The following USP31 variants were observed in gnomAD, a reference collection of about 807,000 sequenced individuals.
USP31 encodes the protein ubiquitin carboxyl-terminal hydrolase 31.
A neutral mutation model predicts 119.4 loss-of-function variants in USP31; 44 were observed. The observed-to-expected ratio is 0.37, with a 90% CI of 0.29 to 0.47. The LOEUF is 0.47. Among genes scored for constraint, USP31 ranks in the 20% least tolerant of loss-of-function variants. The probability of loss-of-function intolerance (pLI) is 0.99; values close to 1 mark genes in which losing one functional copy is unlikely to be tolerated. For synonymous variants in USP31, 749 were observed against 705.6 expected, an observed-to-expected ratio of 1.06 and a Z score of -0.97; for missense variants, 1,643 against 1,730.2, an observed-to-expected ratio of 0.95 and a Z score of 0.89.
chr16:23,115,064 C>T (rs1704033119), intron 1 of USP31, among the ~76,000 whole-genome samples: 1 of 152,222 alleles, frequency 6.6e-6, no homozygotes, highest in African/African-American at 2.4e-5. Context: ...ACTCACTGAA[C>T]CTGTGATTCG....
intron 11 of USP31, among the ~76,000 whole-genome samples, chr16:23,082,833 T>C (rs888896165): frequency 1.1e-4 from 16 of 144,062 alleles, no homozygotes; most frequent in South Asian, 2.3e-4. Flanking sequence ...TTCTCTCTCT[T>C]TTTTTTTTTT....
chr16:23,083,538 C>T (rs969393578), intron 11 of USP31, among the ~76,000 whole-genome samples: 1 of 148,428 alleles, frequency 6.7e-6, no homozygotes. Flanking sequence ...GTGCTGCCAT[C>T]TAGTAGATTT....
At chr16:23,127,350 G>T (rs1902891379) in intron 1 of USP31, among the ~76,000 whole-genome samples, 1 of 150,514 alleles carries the variant, frequency 6.6e-6, no homozygotes, top group South Asian at 2.1e-4. Context: ...AGCCTGGGAG[G>T]TAGGCTTGCA....
chr16:23,093,338 A>G (rs1196102774), intron 6 of USP31, among the ~76,000 whole-genome samples: 2 of 152,202 alleles, frequency 1.3e-5, no homozygotes, highest in Non-Finnish European at 2.9e-5. Flanking sequence ...AAACAACTCA[A>G]CAAAAAGATA....
intron 13 of USP31, chr16:23,079,567 TAA>T (rs879575481): frequency 4.7e-4 from 69 of 147,376 alleles, no homozygotes; most frequent in South Asian, 1.1e-3. Flanking sequence ...CATCTTTAAT[TAA>T]AAAAAAAAAA....
At chr16:23,101,641 G>T (rs950817941) in intron 6 of USP31, among the ~76,000 whole-genome samples, 1 of 152,092 alleles carries the variant, frequency 6.6e-6, no homozygotes, top group South Asian at 2.1e-4. Context: ...CAGTTCCCAG[G>T]TAATACTGAT....
At chr16:23,086,450 G>A (rs1448390031) in intron 9 of USP31, among the ~76,000 whole-genome samples, 2 of 152,034 alleles carry the variant, frequency 1.3e-5, no homozygotes, top group African/African-American at 4.8e-5. Flanking sequence ...TATTATAACA[G>A]ATTTAGACAG....
intron 1 of USP31, among the ~76,000 whole-genome samples, chr16:23,147,299 G>A (rs1903543555): frequency 1.3e-5 from 2 of 152,026 alleles, no homozygotes; most frequent in South Asian, 4.1e-4. Context: ...GTAGAGATGG[G>A]GTTTCTCCAT....
intron 1 of USP31, among the ~76,000 whole-genome samples, chr16:23,110,989 G>C (rs917689144): frequency 3.3e-5 from 5 of 152,070 alleles, no homozygotes; most frequent in African/African-American, 1.2e-4. Context: ...TTAGCCAGGC[G>C]TGGTGGTGGG....
intron 13 of USP31, among the ~76,000 whole-genome samples, chr16:23,077,615 G>A (rs529990922): frequency 1.3e-5 from 2 of 152,234 alleles, no homozygotes; most frequent in South Asian, 2.1e-4. Flanking sequence ...TCAATGGTCA[G>A]CACTAGCACT....
chr16:23,073,198 A>G (rs1254201959), intron 14 of USP31, among the ~76,000 whole-genome samples: 1 of 152,168 alleles, frequency 6.6e-6, no homozygotes, highest in East Asian at 1.9e-4. Flanking sequence ...TAATATTATC[A>G]CAGCCATCAA....
Position 23,068,588 on chromosome 16 carries a change from T to C in USP31, c.3517A>G (p.Thr1173Ala). ...LGSDRASATS[T>A]SKPNSPRVSQ... ...ACCCGAGGGGAATTGGGTTTGGAGG[T>C]GGAGGTGGCGCTGGCTCTGTCAGAA... The change falls in exon 16 of 16, where the codon ACC becomes GCC. Residue 1173 changes from threonine (T) to alanine (A), a missense_variant. By Grantham distance (58) the Thr-to-Ala change is moderately conservative. Around this residue, in one of 5 missense-constraint regions of USP31, gnomAD observed 699 missense variants for 650.9 expected, o/e 1.07. Coordinates refer to ENST00000219689, the MANE Select transcript of USP31 (RefSeq NM_020718.4). The C allele has an allele frequency of 6.2e-7, 1 of 1,613,668 alleles. No homozygotes were observed. The highest frequency in any genetic ancestry group is 8.5e-7 in the Non-Finnish European group (1 of 1,179,926).
At chr16:23,077,623 A>C (rs910613771) in intron 13 of USP31, among the ~76,000 whole-genome samples, 4 of 152,134 alleles carry the variant, frequency 2.6e-5, no homozygotes, top group African/African-American at 9.7e-5. Flanking sequence ...CAGCACTAGC[A>C]CTCGGGGTCT....
intron 1 of USP31, among the ~76,000 whole-genome samples, chr16:23,123,717 T>C (rs947505716): frequency 3.9e-5 from 6 of 152,054 alleles, no homozygotes; most frequent in African/African-American, 1.4e-4. Flanking sequence ...AACTGCAAAA[T>C]AGTCGGGCAT....
chr16:23,140,560 C>T (rs183334632), intron 1 of USP31, among the ~76,000 whole-genome samples: 4 of 152,270 alleles, frequency 2.6e-5, no homozygotes, highest in Admixed American at 1.3e-4. Context: ...CTTAGAATGT[C>T]GTCTCTCTTC....
intron 1 of USP31, among the ~76,000 whole-genome samples, chr16:23,117,751 C>CTTTTTTTTTTTTTTT (rs67615111): frequency 7.1e-6 from 1 of 141,594 alleles, no homozygotes; most frequent in African/African-American, 2.6e-5. Context: ...TTTTCCTTTT[C>CTTTTTTTTTTTTTTT]TTTTTTTTTT....
rs1338254119 is a variant in USP31, at chr16:23,102,327, C to G, written c.1226G>C (p.Ser409Thr). 6.2e-7 allele frequency: 1 copy of G among 1,613,464 alleles called. No individual in the cohort carries two copies. Among genetic ancestry groups the G allele is most frequent in the Admixed American group, 1.7e-5 (1 of 59,912 alleles). The part of the protein sequence containing the change: ...PEIFRPEGIL[S>T]QRGIHLNNNL... ...AACAGGAGCTCCCTTACCTCTTTGA[C>G]TGAGAATTCCTTCAGGCCTAAATAT... The change falls in exon 6 of 16, where the codon AGT becomes ACT. Residue 409 changes from serine to threonine, a missense_variant. Physicochemically the swap from Ser to Thr is moderately conservative, Grantham distance 58. Around this residue, in one of 5 missense-constraint regions of USP31, gnomAD observed 219 missense variants for 226.4 expected, o/e 0.97. Transcript: ENST00000219689.
At chr16:23,138,216 G>A (rs186434487) in intron 1 of USP31, among the ~76,000 whole-genome samples, 1 of 152,292 alleles carries the variant, frequency 6.6e-6, no homozygotes. Flanking sequence ...GAATTGGAGT[G>A]TTATAACAAA....
At chr16:23,082,831 C>CTTTTTTTTTTTTTTTTTTTTTTTTTT (rs71151692) in intron 11 of USP31, among the ~76,000 whole-genome samples, 1 of 129,330 alleles carries the variant, frequency 7.7e-6, no homozygotes, top group African/African-American at 2.8e-5. Context: ...CTTTCTCTCT[C>CTTTTTTTTTTTTTTTTTTTTTTTTTT]TTTTTTTTTT....
Sources: gnomAD v4.1 joint callset for allele counts (sites outside exome capture counted in the v4.1 genomes callset) on GRCh38, gnomAD v4.1.1 for gene constraint, gnomAD v4.1.1 regional missense constraint, MANE v1.5 for transcripts, NCBI Gene and HGNC (gene_info 2026-07-23, HGNC 2026-07-21) for gene names.